Variants in TMTC1 observed in about 807,000 individuals in gnomAD.
TMTC1 encodes transmembrane O-mannosyltransferase targeting cadherins 1, also known as protein O-mannosyl-transferase TMTC1.
In TMTC1, 73 loss-of-function variants were observed where a neutral mutation model predicts 104.8. That is an observed-to-expected ratio of 0.70 (90% CI 0.58 to 0.85). The LOEUF (loss-of-function observed/expected upper bound fraction) is 0.85, where lower values mean the gene tolerates loss of function less well. Among genes scored for constraint, TMTC1 ranks in the 40% least tolerant of loss-of-function variants. TMTC1 has a pLI of 0.00. For missense variants in TMTC1, 1,035 were observed against 1,096.1 expected, an observed-to-expected ratio of 0.94 and a Z score of 0.79; for synonymous variants, 434 against 428.7, an observed-to-expected ratio of 1.01 and a Z score of -0.15.
chr12:29,715,045 T>C (rs1469241402), intron 5 of TMTC1, among the ~76,000 whole-genome samples: 1 of 152,218 alleles, frequency 6.6e-6, no homozygotes, highest in Non-Finnish European at 1.5e-5. Context: ...GAATGATAAA[T>C]TCTCTCAGGG....
intron 6 of TMTC1, among the ~76,000 whole-genome samples, chr12:29,610,153 G>A (rs1433303552): frequency 3.3e-5 from 5 of 152,156 alleles, no homozygotes; most frequent in African/African-American, 1.2e-4. Context: ...CTGATGGATT[G>A]ACCAGCGAGT....
intron 5 of TMTC1, among the ~76,000 whole-genome samples, chr12:29,729,902 G>C (rs1358043913): frequency 1.3e-5 from 2 of 152,192 alleles, no homozygotes; most frequent in African/African-American, 2.4e-5. Context: ...GTGTGGTACA[G>C]AGCAGATGCC....
chr12:29,568,075 CA>C (rs1290052601), intron 9 of TMTC1, among the ~76,000 whole-genome samples: 2 of 152,082 alleles, frequency 1.3e-5, no homozygotes, highest in Non-Finnish European at 2.9e-5. Context: ...GGAGGGAATA[CA>C]AAGAATTATA....
chr12:29,702,028 C>G (rs1941608937), intron 5 of TMTC1, among the ~76,000 whole-genome samples: 1 of 152,098 alleles, frequency 6.6e-6, no homozygotes, highest in Admixed American at 6.5e-5. Flanking sequence ...TTAGTCAAAT[C>G]CACTTTGAAA....
intron 5 of TMTC1, among the ~76,000 whole-genome samples, chr12:29,745,894 T>G (rs750720048): frequency 1.2e-4 from 19 of 152,144 alleles, no homozygotes; most frequent in African/African-American, 4.6e-4. Flanking sequence ...GTGATCTGAA[T>G]ACGGTCACCT....
chr12:29,596,232 C>T (rs1462612955), intron 7 of TMTC1, among the ~76,000 whole-genome samples: 1 of 152,186 alleles, frequency 6.6e-6, no homozygotes, highest in East Asian at 1.9e-4. Context: ...GTCTTGAACT[C>T]CTGACCTCAA....
chr12:29,513,513 T>G (rs1943898193), intron 16 of TMTC1, among the ~76,000 whole-genome samples: 1 of 150,946 alleles, frequency 6.6e-6, no homozygotes, highest in Non-Finnish European at 1.5e-5. Context: ...AAATGAGCTT[T>G]CCCAAATATC....
intron 5 of TMTC1, among the ~76,000 whole-genome samples, chr12:29,695,701 C>G (rs1376922097): frequency 3.3e-5 from 5 of 150,676 alleles, no homozygotes; most frequent in Non-Finnish European, 7.4e-5. Flanking sequence ...TTTTAAAGGA[C>G]TTGACAATAC....
At chr12:29,717,968 C>A (rs1022881511) in intron 5 of TMTC1, among the ~76,000 whole-genome samples, 3 of 152,136 alleles carry the variant, frequency 2.0e-5, no homozygotes, top group Non-Finnish European at 4.4e-5. Context: ...AGATCACATG[C>A]AATAAATGAA....
At chr12:29,652,120 G>C in intron 5 of TMTC1, among the ~76,000 whole-genome samples, 1 of 152,118 alleles carries the variant, frequency 6.6e-6, no homozygotes, top group South Asian at 2.1e-4. Context: ...CTGGTAACTT[G>C]GTTGGCACAA....
At chr12:29,729,710 T>C (rs1416274825) in intron 5 of TMTC1, among the ~76,000 whole-genome samples, 1 of 152,172 alleles carries the variant, frequency 6.6e-6, no homozygotes, top group Non-Finnish European at 1.5e-5. Flanking sequence ...CCAATGATCC[T>C]AATTTGAATG....
At chr12:29,539,429 T>C (rs976997561) in intron 10 of TMTC1, among the ~76,000 whole-genome samples, 1 of 152,218 alleles carries the variant, frequency 6.6e-6, no homozygotes, top group African/African-American at 2.4e-5. Flanking sequence ...TCTCCTTTTA[T>C]TACGTGCCGA....
chr12:29,549,263 T>C (rs1945031604), intron 10 of TMTC1, among the ~76,000 whole-genome samples: 1 of 151,860 alleles, frequency 6.6e-6, no homozygotes. Flanking sequence ...AAAATTGTGC[T>C]AAATGAAAAT....
intron 10 of TMTC1, among the ~76,000 whole-genome samples, chr12:29,552,016 C>T (rs558853675): frequency 1.3e-5 from 2 of 152,182 alleles, no homozygotes; most frequent in South Asian, 2.1e-4. Flanking sequence ...GGTCTGAAGC[C>T]GTCTGTCATA....
Position 29,588,809 on chromosome 12 carries a change from C to T in TMTC1, c.1251-5235G>A, listed in dbSNP as rs146277776. Among the ~76,000 whole-genome samples, 29 of 152,168 alleles carry T rather than the reference C, an allele frequency of 1.9e-4. 1 individual carries two copies. Among genetic ancestry groups the T allele is most frequent in the Admixed American group, 6.5e-4 (10 of 15,282 alleles). ...TGCCACGCCGATACATCCTTAAAAC[C>T]CTATGGATCACCTTTATTAATGTTT... On this transcript the variant is annotated intron_variant, in intron 7 of 17. Transcript: ENST00000539277.
In TMTC1 at chr12:29,518,492, C is replaced by T. The variant is rs781366795; in HGVS notation, c.2004G>A (p.Met668Ile). The change falls in exon 13 of 18, where the codon ATG becomes ATA. Residue 668 changes from methionine (M) to isoleucine (I), a missense_variant. Physicochemically the swap from Met to Ile is conservative, Grantham distance 10. Transcript: ENST00000539277. Reference protein sequence around the residue: ...RLYRSLGENSMAEEWYKRALQ... With the variant: ...RLYRSLGENSIAEEWYKRALQ... ...TTTACCGCTTGTACCATTCTTCAGC[C>T]ATGCTGTTCTCTCCCAGTGACCTGT... 6.2e-7 allele frequency: 1 copy of T among 1,613,846 alleles called. No individual in the cohort carries two copies. Among genetic ancestry groups the T allele is most frequent in the Non-Finnish European group, 8.5e-7 (1 of 1,179,832 alleles).
At chr12:29,527,435 A>G (rs1388662828) in intron 11 of TMTC1, among the ~76,000 whole-genome samples, 2 of 152,194 alleles carry the variant, frequency 1.3e-5, no homozygotes, top group Non-Finnish European at 2.9e-5. Flanking sequence ...GAGAAGCACA[A>G]GGTATGTGGG....
chr12:29,659,062 CT>C (rs1939890412), intron 5 of TMTC1, among the ~76,000 whole-genome samples: 1 of 152,192 alleles, frequency 6.6e-6, no homozygotes. Flanking sequence ...TTAACTGTAT[CT>C]TAGCAAAAAC....
chr12:29,663,566 G>A (rs1002304368), intron 5 of TMTC1, among the ~76,000 whole-genome samples: 1 of 151,954 alleles, frequency 6.6e-6, no homozygotes, highest in Non-Finnish European at 1.5e-5. Context: ...GCCCAGGCTA[G>A]AGTGTAGTGG....
Sources: gnomAD v4.1 joint callset for allele counts (sites outside exome capture counted in the v4.1 genomes callset) on GRCh38, gnomAD v4.1.1 for gene constraint, MANE v1.5 for transcripts, NCBI Gene and HGNC (gene_info 2026-07-23, HGNC 2026-07-21) for gene names.